PFN2: variants seen among roughly 807,000 people sequenced by gnomAD.
PFN2 encodes the protein profilin-2.
In PFN2, 8 loss-of-function variants were observed where a neutral mutation model predicts 15.3. The observed-to-expected ratio is 0.52, with a 90% CI of 0.31 to 0.95. The LOEUF (loss-of-function observed/expected upper bound fraction) is 0.95, where lower values mean the gene tolerates loss of function less well. Among genes scored for constraint, PFN2 ranks in the 40% least tolerant of loss-of-function variants. The probability of loss-of-function intolerance (pLI) is 0.05; values close to 1 mark genes in which losing one functional copy is unlikely to be tolerated. For synonymous variants in PFN2, 79 were observed against 67.9 expected (o/e 1.16, Z -0.81); for missense variants, 111 against 182.3 (o/e 0.61, Z 2.25).
At position 149,966,567 on chromosome 3, in the gene PFN2, T is replaced by G; in HGVS notation, c.345A>C (p.Gly115=). The change falls in exon 3 of 3, where the codon GGA becomes GGC. Residue 115 remains glycine, a synonymous_variant. Coordinates refer to ENST00000239940, the MANE Select transcript of PFN2 (RefSeq NM_053024.4). The stretch of plus-strand genomic sequence containing the variant: ...ATCCGCCTCCATGGACCCCTTCTTT[T>G]CCCATTACAAAGACCAAGACTGAAA... ...RAGRVLVFVM[G]KEGVHGGGLN... 1 of 1,612,174 alleles carries G rather than the reference T, an allele frequency of 6.2e-7. No homozygotes were observed.
intron 2 of PFN2, among the ~76,000 whole-genome samples, chr3:149,966,845 A>G (rs959586955): frequency 4.6e-5 from 7 of 152,022 alleles, no homozygotes; most frequent in African/African-American, 1.7e-4. Flanking sequence ...CACTAGCTAC[A>G]GAAAAAAAAA....
chr3:149,970,554 T>A, intron 1 of PFN2, 171 bp downstream of exon 1: 1 of 523,668 alleles, frequency 1.9e-6, no homozygotes. Context: ...TGAGGGGGCG[T>A]CCCCGGGCCT....
chr3:149,966,221 T>C lies in PFN2; in HGVS notation c.*268A>G. ...CGAGTTCATATGCTTTCTTGTTAAG[T>C]GTGCCTCCGTGGACACCTTCCTTTC... is the stretch of plus-strand genomic sequence containing the variant. On this transcript the variant is annotated 3_prime_UTR_variant, in exon 3 of 3. Transcript: ENST00000239940. 1.2e-6 allele frequency: 2 copies of C among 1,613,760 alleles called. No homozygotes were observed. Among genetic ancestry groups the C allele is most frequent in the East Asian group, 2.2e-5 (1 of 44,872 alleles).
Position 149,966,036 on chromosome 3 carries a change from TGGGCAAAC to T in PFN2, c.*445_*452del. 1 of 1,494,902 alleles carries T rather than the reference TGGGCAAAC, an allele frequency of 6.7e-7. No individual in the cohort carries two copies. Among genetic ancestry groups the T allele is most frequent in the Non-Finnish European group, 8.9e-7 (1 of 1,126,962 alleles). The allele number at this position is 1,494,902 out of a possible 1,614,324, so 92.6% of individuals were successfully genotyped here. A position where few individuals can be genotyped will look rare whatever the true frequency, so the allele number is the denominator to read the frequency against. ...AGTGGTTAACATACAAATGATCCAT[TGGGCAAAC>T]AGGAATCATGACATTAGAAAATAGG... On this transcript the variant is annotated 3_prime_UTR_variant, in exon 3 of 3. Transcript: ENST00000239940.
intron 1 of PFN2, chr3:149,970,375 A>C: frequency 5.9e-6 from 1 of 168,150 alleles, no homozygotes; most frequent in Non-Finnish European, 1.3e-5. Flanking sequence ...AAGAGAACCT[A>C]GGGGAACCGC....
At position 149,966,253 on chromosome 3, in the gene PFN2, C is replaced by G. The variant is rs199699422; in HGVS notation, c.*236G>C. ...CCGTGGACACCTTCCTTTCCCATGA[C>G]TATAACCAATGCTGGAGTACACAAG... On this transcript the variant is annotated 3_prime_UTR_variant, in exon 3 of 3. Transcript: ENST00000239940. The G allele has an allele frequency of 1.9e-6, 3 of 1,613,454 alleles. No individual in the cohort carries two copies. The highest frequency in any genetic ancestry group is 2.5e-6 in the Non-Finnish European group (3 of 1,179,660).
At position 149,968,872 on chromosome 3, in the gene PFN2, T is replaced by A. The variant is rs530704001; in HGVS notation, c.133-322A>T. On this transcript the variant is annotated intron_variant, in intron 1 of 2. Transcript: ENST00000239940. The stretch of plus-strand genomic sequence containing the variant: ...CAAACTTAAAGAGTTATTTATAAAC[T>A]GTATTAAGTCAGCTGGTGCCTGAAA... 60 of 254,952 alleles carry A rather than the reference T, an allele frequency of 2.4e-4. No homozygotes were observed. In the South Asian group the frequency reaches 4.7e-3, roughly 20 times the overall value. 15.8% of individuals were successfully genotyped at this position (254,952 alleles called of 1,614,324 possible). A position where few individuals can be genotyped will look rare whatever the true frequency, so the allele number is the denominator to read the frequency against.
chr3:149,967,053 A>G (rs575309021), intron 2 of PFN2, among the ~76,000 whole-genome samples: 1 of 152,330 alleles, frequency 6.6e-6, no homozygotes, highest in South Asian at 2.1e-4. Context: ...TATTATTTCC[A>G]GAGGAAAATG....
At position 149,966,576 on chromosome 3, in the gene PFN2, A is replaced by G; in HGVS notation, c.336T>C (p.Phe112=). 6.2e-7 allele frequency: 1 copy of G among 1,610,488 alleles called. No individual in the cohort carries two copies. The highest frequency in any genetic ancestry group is 8.5e-7 in the Non-Finnish European group (1 of 1,176,872). ...CATGGACCCCTTCTTTTCCCATTAC[A>G]AAGACCAAGACTGAAAGAGAAAGAA... The part of the protein sequence containing the change: ...AVGRAGRVLV[F]VMGKEGVHGG... Residue 112 remains phenylalanine, a synonymous_variant, in exon 3 of 3, where the codon TTT becomes TTC. Coordinates refer to ENST00000239940, the MANE Select transcript of PFN2 (RefSeq NM_053024.4).
chr3:149,970,540 C>T, intron 1 of PFN2, 185 bp downstream of exon 1: 2 of 459,352 alleles, frequency 4.4e-6, no homozygotes, highest in Non-Finnish European at 6.8e-6. Flanking sequence ...AGCGCAGCCC[C>T]GGGTGAGGGG....
intron 1 of PFN2, among the ~76,000 whole-genome samples, chr3:149,969,959 G>C (rs780040648): frequency 6.6e-6 from 1 of 151,586 alleles, no homozygotes; most frequent in African/African-American, 2.4e-5. Context: ...CCCCTTTTTT[G>C]AGCTATGTTG....
Position 149,965,125 on chromosome 3 carries a change from A to T in PFN2, c.*1364T>A. ...GCAAATACTAGAATGTCCCTAAAGT[A>T]GTGCCATTCGAAAGAAACCCTTAAT... On this transcript the variant is annotated 3_prime_UTR_variant, in exon 3 of 3. Coordinates refer to ENST00000239940, the MANE Select transcript of PFN2 (RefSeq NM_053024.4). 1.1e-6 allele frequency: 1 copy of T among 889,064 alleles called. No homozygotes were observed. The highest frequency in any genetic ancestry group is 1.7e-6 in the Non-Finnish European group (1 of 600,204). The allele number at this position is 889,064 out of a possible 1,614,324, so 55.1% of individuals were successfully genotyped here.
chr3:149,970,608 G>T, intron 1 of PFN2, 117 bp downstream of exon 1: 1 of 1,087,856 alleles, frequency 9.2e-7, no homozygotes, highest in Non-Finnish European at 1.2e-6. Context: ...GGCGCCCGCT[G>T]CCTAGCACAC....
chr3:149,966,591 AAG>A lies in PFN2; in HGVS notation c.326-7_326-6del. ...TTCCCATTACAAAGACCAAGACTGAAAGAGAAAGAAGAAAAGTGTTTCAAAAG... is the reference window on the plus strand; with the variant it reads ...TTCCCATTACAAAGACCAAGACTGAAAGAAAGAAGAAAAGTGTTTCAAAAG... On this transcript the variant is annotated splice_polypyrimidine_tract_variant and splice_region_variant and intron_variant, in intron 2 of 2. Transcript: ENST00000239940. 1 of 1,599,180 alleles carries A rather than the reference AAG, an allele frequency of 6.3e-7. No individual in the cohort carries two copies. The highest frequency in any genetic ancestry group is 1.7e-4 in the Middle Eastern group (1 of 6,022).
At chr3:149,967,663 ACT>A (rs1394915012) in intron 2 of PFN2, among the ~76,000 whole-genome samples, 10 of 152,198 alleles carry the variant, frequency 6.6e-5, no homozygotes, top group African/African-American at 2.4e-4. Context: ...TCATAATAAA[ACT>A]CAATTTCAAA....
rs753767445 is a variant in PFN2 at position 149,968,562 on chromosome 3, C to G, written c.133-12G>C. The G allele has an allele frequency of 2.1e-6, 3 of 1,437,232 alleles. No individual in the cohort carries two copies. The South Asian group carries it at 3.7e-5, about 18-fold the overall frequency. 89.0% of individuals were successfully genotyped at this position (1,437,232 alleles called of 1,614,324 possible). A position where few individuals can be genotyped will look rare whatever the true frequency, so the allele number is the denominator to read the frequency against. On this transcript the variant is annotated splice_polypyrimidine_tract_variant and intron_variant, in intron 1 of 2. Coordinates refer to ENST00000239940, the MANE Select transcript of PFN2 (RefSeq NM_053024.4). The stretch of plus-strand genomic sequence containing the variant: ...TCTATTTCTATTGGCTGCCCCCCAC[C>G]AAAAAGAAAAAAAAAAAACACACAC...
Position 149,965,219 on chromosome 3 carries a change from T to C in PFN2, c.*1270A>G, listed in dbSNP as rs571229643. 20 of 1,530,266 alleles carry C rather than the reference T, an allele frequency of 1.3e-5. No homozygotes were observed. Among genetic ancestry groups the C allele is most frequent in the African/African-American group, 5.5e-5 (4 of 72,496 alleles). 94.8% of individuals were successfully genotyped at this position (1,530,266 alleles called of 1,614,324 possible). ...ACAATAGTATGGCACAGAATACATA[T>C]GAAAAAAATTCATCACAAGACAGCC... On this transcript the variant is annotated 3_prime_UTR_variant, in exon 3 of 3. Transcript: ENST00000239940.
In PFN2 at chr3:149,968,244, CA is replaced by C. The variant is rs1385798006; in HGVS notation, c.325+113del. 17 of 954,436 alleles carry C rather than the reference CA, an allele frequency of 1.8e-5. No homozygotes were observed. The African/African-American group carries it at 2.6e-4, about 15-fold the overall frequency. 59.1% of individuals were successfully genotyped at this position (954,436 alleles called of 1,614,324 possible). A position where few individuals can be genotyped will look rare whatever the true frequency, so the allele number is the denominator to read the frequency against. On this transcript the variant is annotated intron_variant, in intron 2 of 2. Coordinates refer to ENST00000239940, the MANE Select transcript of PFN2 (RefSeq NM_053024.4). ...CTTCTCCATAGTGCTGGGCAGTTCA[CA>C]AAAACCACCTTAATAGCCATTATGG...
chr3:149,970,685 C>G, intron 1 of PFN2, 40 bp downstream of exon 1: 2 of 1,465,888 alleles, frequency 1.4e-6, no homozygotes, highest in Non-Finnish European at 1.8e-6. Flanking sequence ...CACCCCGCTC[C>G]GGTGCAGGGA....
Sources: allele counts gnomAD v4.1 joint callset (sites outside exome capture counted in the v4.1 genomes callset), GRCh38; gene constraint gnomAD v4.1.1; transcripts MANE v1.5; gene names NCBI Gene and HGNC (gene_info 2026-07-23, HGNC 2026-07-21).